Variants in DNAH14 observed in about 807,000 individuals in gnomAD.
DNAH14 encodes the protein axonemal beta dynein heavy chain 14.
DNAH14 carries 478 observed loss-of-function variants against 520.9 expected under a neutral mutation model. The ratio of observed to expected loss-of-function variants is 0.92; its 90% confidence interval spans 0.85 to 0.99. The LOEUF is 0.99. Among genes scored for constraint, DNAH14 ranks in the 50% least tolerant of loss-of-function variants. DNAH14 has a pLI of 0.00. For synonymous variants in DNAH14, 1,581 were observed against 1,757.2 expected (o/e 0.90, Z 2.51); for missense variants, 4,831 against 5,234.5 (o/e 0.92, Z 2.38).
rs1347076240 is a variant in DNAH14, at chr1:225,367,837, T to C, written c.12123T>C (p.Ser4041=). ...TGGAATCTCCCCAGGGATTGAAAAG[T>C]AACTTACTTCAGACATTTGGATGTA... ...IAVESPQGLK[S]NLLQTFGCTG... is the part of the protein sequence containing the mutation. Residue 4041 remains serine, a synonymous_variant, in exon 77 of 86, where the codon AGT becomes AGC. Coordinates refer to ENST00000682510, the MANE Select transcript of DNAH14 (RefSeq NM_001367479.1). The C allele has an allele frequency of 6.4e-7, 1 of 1,551,442 alleles. No homozygotes were observed. Among genetic ancestry groups the C allele is most frequent in the Non-Finnish European group, 8.7e-7 (1 of 1,146,774 alleles).
chr1:225,042,289 A>C (rs2067547911), intron 12 of DNAH14, among the ~76,000 whole-genome samples: 2 of 152,332 alleles, frequency 1.3e-5, no homozygotes, highest in South Asian at 4.1e-4. Context: ...TTGAGAACCC[A>C]AGCCCAGACA....
intron 49 of DNAH14, among the ~76,000 whole-genome samples, chr1:225,267,486 G>C (rs1005743135): frequency 4.6e-5 from 7 of 151,848 alleles, no homozygotes; most frequent in Non-Finnish European, 1.0e-4. Context: ...GTAGAAACAG[G>C]GTTTCACCAT....
chr1:225,010,963 G>A (rs1389616209), intron 10 of DNAH14, among the ~76,000 whole-genome samples: 1 of 149,208 alleles, frequency 6.7e-6, no homozygotes, highest in Non-Finnish European at 1.5e-5. Flanking sequence ...ATTTTTTATT[G>A]TGTCTACTAG....
intron 21 of DNAH14, among the ~76,000 whole-genome samples, chr1:225,094,687 C>CA (rs2074768380): frequency 1.4e-5 from 1 of 72,118 alleles, no homozygotes; most frequent in African/African-American, 9.5e-5. Context: ...AACAACAAAA[C>CA]AAACAAACAA....
chr1:225,367,164 A>G (rs1295539425), intron 76 of DNAH14, among the ~76,000 whole-genome samples: 1 of 151,916 alleles, frequency 6.6e-6, no homozygotes, highest in East Asian at 1.9e-4. Flanking sequence ...AATATTTCAG[A>G]CCCTTCACAA....
At chr1:225,091,396 C>A (rs1348734818) in intron 21 of DNAH14, among the ~76,000 whole-genome samples, 1 of 152,032 alleles carries the variant, frequency 6.6e-6, no homozygotes, top group African/African-American at 2.4e-5. Flanking sequence ...CAGTAGAAAC[C>A]CTACAAGCCA....
At chr1:225,205,824 C>G (rs1382396833) in intron 39 of DNAH14, 147 bp from the exon 40 acceptor site, 1 of 615,372 alleles carries the variant, frequency 1.6e-6, no homozygotes, top group Non-Finnish European at 2.8e-6. Flanking sequence ...ATACCAGGGA[C>G]TACATATAAA....
At chr1:225,086,387 G>T (rs866650450) in intron 21 of DNAH14, among the ~76,000 whole-genome samples, 7 of 151,872 alleles carry the variant, frequency 4.6e-5, no homozygotes, top group African/African-American at 2.4e-5. Flanking sequence ...GCCCACCTCA[G>T]CCTCCCAAAG....
chr1:224,974,259 C>A, intron 8 of DNAH14, 106 bp downstream of exon 8: 1 of 666,684 alleles, frequency 1.5e-6, no homozygotes, highest in Non-Finnish European at 2.3e-6. Flanking sequence ...ATTAGAAAGT[C>A]ACATTCCATT....
intron 44 of DNAH14, among the ~76,000 whole-genome samples, chr1:225,252,788 A>AATGAATTTCAT (rs1313054649): frequency 1.3e-4 from 20 of 152,280 alleles, no homozygotes; most frequent in African/African-American, 4.8e-4. Context: ...CTTACACTTA[A>AATGAATTTCAT]TTATAAATGA....
chr1:225,307,487 C>T lies in DNAH14; in HGVS notation c.9032C>T (p.Thr3011Ile), dbSNP rs1190369976. ...GATCGCTTCCATATGGGTCTATCCA[C>T]AATCCTGGAAGCAACCACTCTAGTT... ...KRDRFHMGLSTILEATTLVTE... is the reference protein window; with the variant it reads ...KRDRFHMGLSIILEATTLVTE... The change falls in exon 59 of 86, where the codon ACA becomes ATA. Residue 3011 changes from threonine to isoleucine, a missense_variant. Transcript: ENST00000682510. The T allele has an allele frequency of 6.5e-7, 1 of 1,548,070 alleles. No individual in the cohort carries two copies. Among genetic ancestry groups the T allele is most frequent in the African/African-American group, 1.4e-5 (1 of 72,746 alleles).
At chr1:224,955,974 CAAGGTCACCAG>C (rs1190291398) in intron 3 of DNAH14, among the ~76,000 whole-genome samples, 1 of 152,098 alleles carries the variant, frequency 6.6e-6, no homozygotes, top group African/African-American at 2.4e-5. Context: ...AAGACTCTTT[CAAGGTCACCAG>C]ATACCTCCTC....
At chr1:225,177,270 C>G (rs1275329549) in intron 36 of DNAH14, among the ~76,000 whole-genome samples, 1 of 152,144 alleles carries the variant, frequency 6.6e-6, no homozygotes, top group Non-Finnish European at 1.5e-5. Context: ...GAAGAAATTT[C>G]TAAGCAGCAA....
intron 38 of DNAH14, among the ~76,000 whole-genome samples, chr1:225,199,338 A>G (rs563117693): frequency 2.7e-5 from 4 of 150,882 alleles, no homozygotes; most frequent in Non-Finnish European, 4.4e-5. Flanking sequence ...AATTTCATTT[A>G]TTTTTGCTCT....
intron 8 of DNAH14, among the ~76,000 whole-genome samples, chr1:224,980,467 A>G (rs1011539043): frequency 6.6e-6 from 1 of 152,166 alleles, no homozygotes; most frequent in Non-Finnish European, 1.5e-5. Context: ...TTGCGGTAGT[A>G]TAGAGTGTCA....
At chr1:225,003,255 A>G (rs865783838) in intron 9 of DNAH14, among the ~76,000 whole-genome samples, 1 of 152,026 alleles carries the variant, frequency 6.6e-6, no homozygotes, top group African/African-American at 2.4e-5. Flanking sequence ...GCATGTCAAG[A>G]TAGTATCATA....
chr1:225,291,091 C>A (rs1402366027), intron 55 of DNAH14, among the ~76,000 whole-genome samples: 3 of 152,054 alleles, frequency 2.0e-5, no homozygotes, highest in Non-Finnish European at 2.9e-5. Flanking sequence ...GTGAGATCCA[C>A]TTGTTTTTAA....
intron 17 of DNAH14, among the ~76,000 whole-genome samples, chr1:225,065,651 T>C (rs1403206939): frequency 6.6e-6 from 1 of 152,082 alleles, no homozygotes; most frequent in East Asian, 1.9e-4. Flanking sequence ...GCTTATTTTA[T>C]TTAGCATGTC....
At chr1:225,347,055 A>G (rs1193770729) in intron 71 of DNAH14, among the ~76,000 whole-genome samples, 1 of 152,240 alleles carries the variant, frequency 6.6e-6, no homozygotes, top group Non-Finnish European at 1.5e-5. Context: ...TAATTATTGA[A>G]TCTTCTAAAT....
Sources: gnomAD v4.1 joint callset for allele counts (sites outside exome capture counted in the v4.1 genomes callset) on GRCh38, gnomAD v4.1.1 for gene constraint, MANE v1.5 for transcripts, NCBI Gene and HGNC (gene_info 2026-07-23, HGNC 2026-07-21) for gene names.